The following RTN3 variants were observed in gnomAD, a reference collection of about 807,000 sequenced individuals.
RTN3 encodes reticulon 3.
RTN3 carries 49 observed loss-of-function variants against 77.8 expected under a neutral mutation model. The observed-to-expected ratio is 0.63, with a 90% CI of 0.50 to 0.80. The LOEUF is 0.80. Ranked by LOEUF, RTN3 falls within the 30% of genes least tolerant of loss-of-function variation. RTN3 has a pLI of 0.00. For synonymous variants in RTN3, 464 were observed against 446.9 expected (o/e 1.04, Z -0.48); for missense variants, 1,236 against 1,211.9 (o/e 1.02, Z -0.29).
At chr11:63,700,762 T>C (rs1401457885) in intron 1 of RTN3, among the ~76,000 whole-genome samples, 2 of 152,090 alleles carry the variant, frequency 1.3e-5, no homozygotes, top group Non-Finnish European at 2.9e-5. Context: ...TGTTATTTTT[T>C]ATTTGATCTT....
At chr11:63,724,889 TAG>T (rs1388322279) in intron 3 of RTN3, among the ~76,000 whole-genome samples, 2 of 151,460 alleles carry the variant, frequency 1.3e-5, no homozygotes, top group Non-Finnish European at 2.9e-5. Flanking sequence ...TCTTAACAAT[TAG>T]AGATTGGTTG....
intron 3 of RTN3, among the ~76,000 whole-genome samples, chr11:63,730,167 A>T (rs561516917): frequency 6.6e-6 from 1 of 151,986 alleles, no homozygotes; most frequent in African/African-American, 2.4e-5. Flanking sequence ...AGGTTTCACC[A>T]TGTTTGTCAG....
chr11:63,710,270 A>G (rs1408538003), intron 2 of RTN3, among the ~76,000 whole-genome samples: 4 of 152,196 alleles, frequency 2.6e-5, no homozygotes, highest in South Asian at 4.1e-4. Flanking sequence ...GACTCAAGCA[A>G]TCTTCCCGCC....
intron 2 of RTN3, among the ~76,000 whole-genome samples, chr11:63,710,656 A>G (rs543532262): frequency 4.6e-5 from 7 of 152,272 alleles, no homozygotes; most frequent in Admixed American, 2.0e-4. Context: ...TTATGGGACT[A>G]GAGCTCTGAA....
chr11:63,685,216 C>G (rs1941302500), intron 1 of RTN3, among the ~76,000 whole-genome samples: 1 of 151,938 alleles, frequency 6.6e-6, no homozygotes. Flanking sequence ...AGTGTGGGGC[C>G]AGGCACGCTT....
At position 63,694,557 on chromosome 11, in the gene RTN3, C is replaced by T. The variant is rs1256395937; in HGVS notation, c.143-10294C>T. On this transcript the variant is annotated intron_variant, in intron 1 of 8. Transcript: ENST00000377819. ...GCATGATATCGGCTCACTACAACGT[C>T]CATGTCCTGGGCTCAAGCCGTCCTC... Among the ~76,000 whole-genome samples, 4 of 152,258 alleles carry T rather than the reference C, an allele frequency of 2.6e-5. No individual in the cohort carries two copies. The East Asian group carries it at 5.8e-4, about 22-fold the overall frequency.
At chr11:63,736,341 A>T (rs1005604426) in intron 3 of RTN3, among the ~76,000 whole-genome samples, 1 of 152,206 alleles carries the variant, frequency 6.6e-6, no homozygotes, top group African/African-American at 2.4e-5. Flanking sequence ...CAGGTTCTGC[A>T]TCCTTGGGTT....
intron 4 of RTN3, 35 bp from the exon 5 acceptor site, chr11:63,752,472 G>A: frequency 6.3e-7 from 1 of 1,598,592 alleles, no homozygotes; most frequent in Non-Finnish European, 8.6e-7. Flanking sequence ...CTTCTTCCAT[G>A]TCAAATGTAT....
intron 1 of RTN3, among the ~76,000 whole-genome samples, chr11:63,684,674 T>G (rs1399089492): frequency 6.6e-6 from 1 of 152,230 alleles, no homozygotes; most frequent in Non-Finnish European, 1.5e-5. Context: ...CTATTAGCAC[T>G]TAAAACAGTG....
intron 3 of RTN3, among the ~76,000 whole-genome samples, chr11:63,748,546 C>T (rs1480877800): frequency 6.6e-6 from 1 of 151,180 alleles, no homozygotes; most frequent in Non-Finnish European, 1.5e-5. Flanking sequence ...ACAGGGGTCT[C>T]ACCATGTTGG....
chr11:63,741,701 G>A lies in RTN3; in HGVS notation c.2531-8290G>A, dbSNP rs2013491622. On this transcript the variant is annotated intron_variant, in intron 3 of 8. Transcript: ENST00000377819. ...TTTTTAGTAGAGATGGGGTTCTGCCGTGTTGGCCAGGCTGGTCTCGAATTT... is the reference window on the plus strand; with the variant it reads ...TTTTTAGTAGAGATGGGGTTCTGCCATGTTGGCCAGGCTGGTCTCGAATTT... Among the ~76,000 whole-genome samples the A allele has an allele frequency of 2.7e-5, 4 of 150,472 alleles. No individual in the cohort carries two copies. The South Asian group carries it at 8.4e-4, about 32-fold the overall frequency.
rs764822833 is a variant in RTN3, at chr11:63,719,657, G to C, written c.1155G>C (p.Gln385His). 2.9e-5 allele frequency: 46 copies of C among 1,613,848 alleles called. No homozygotes were observed. Among genetic ancestry groups the C allele is most frequent in the Non-Finnish European group, 3.7e-5 (44 of 1,180,002 alleles). Residue 385 changes from glutamine to histidine, a missense_variant, in exon 3 of 9, where the codon CAG becomes CAC. Around this residue, in one of 3 missense-constraint regions of RTN3, gnomAD observed 1,056 missense variants for 990.4 expected, o/e 1.07. Coordinates refer to ENST00000377819, the MANE Select transcript of RTN3 (RefSeq NM_001265589.2). ...PVVNLKTSTH[Q>H]KTPVCSIDGS... ...TAAATCTTAAAACTAGCACTCATCA[G>C]AAAACTCCTGTATGTTCTATTGATG...
At chr11:63,700,611 T>TC (rs1441270684) in intron 1 of RTN3, among the ~76,000 whole-genome samples, 1 of 150,686 alleles carries the variant, frequency 6.6e-6, no homozygotes, top group African/African-American at 2.4e-5. Flanking sequence ...CCTTTTTATT[T>TC]TTTTTTTTTT....
intron 1 of RTN3, among the ~76,000 whole-genome samples, chr11:63,693,727 C>G (rs1201250855): frequency 6.6e-6 from 1 of 152,110 alleles, no homozygotes; most frequent in Non-Finnish European, 1.5e-5. Flanking sequence ...TTAAGGTTAG[C>G]CTCTTTTATT....
At chr11:63,688,318 G>A (rs1941479738) in intron 1 of RTN3, among the ~76,000 whole-genome samples, 1 of 149,656 alleles carries the variant, frequency 6.7e-6, no homozygotes, top group South Asian at 2.1e-4. Flanking sequence ...CCATCTCCCA[G>A]GTTCATGCCA....
intron 2 of RTN3, among the ~76,000 whole-genome samples, chr11:63,707,317 A>G (rs1242858024): frequency 1.3e-5 from 2 of 152,176 alleles, no homozygotes; most frequent in Non-Finnish European, 2.9e-5. Context: ...AGCTTTAAAA[A>G]TTATTTTAAT....
intron 2 of RTN3, among the ~76,000 whole-genome samples, chr11:63,710,286 C>T (rs887878068): frequency 6.6e-6 from 1 of 152,124 alleles, no homozygotes; most frequent in African/African-American, 2.4e-5. Context: ...CCGCCTCAGC[C>T]TCCTGAGTAG....
intron 2 of RTN3, among the ~76,000 whole-genome samples, chr11:63,718,140 G>T (rs560965137): frequency 1.1e-4 from 17 of 152,076 alleles, no homozygotes; most frequent in African/African-American, 3.9e-4. Context: ...AATAATTCTA[G>T]TCTCATTTTT....
Position 63,718,695 on chromosome 11 carries a change from A to G in RTN3, c.200-7A>G, listed in dbSNP as rs1170626537. On this transcript the variant is annotated splice_region_variant and splice_polypyrimidine_tract_variant and intron_variant, in intron 2 of 8. Coordinates refer to ENST00000377819, the MANE Select transcript of RTN3 (RefSeq NM_001265589.2). ...AACAATTTTTTTCTTTGAAATTCTG[A>G]TCATAGAGGGATTGAGCTCTCTTTG... The G allele has an allele frequency of 1.3e-6, 2 of 1,552,038 alleles. No individual in the cohort carries two copies. The highest frequency in any genetic ancestry group is 1.3e-5 in the South Asian group (1 of 79,756).
Sources: gnomAD v4.1 joint callset for allele counts (sites outside exome capture counted in the v4.1 genomes callset) on GRCh38, gnomAD v4.1.1 for gene constraint, gnomAD v4.1.1 regional missense constraint, MANE v1.5 for transcripts, NCBI Gene and HGNC (gene_info 2026-07-23, HGNC 2026-07-21) for gene names.